The following GPC5 variants were observed in gnomAD, a reference collection of about 807,000 sequenced individuals.
GPC5 encodes glypican-5.
GPC5 carries 47 observed loss-of-function variants against 53.9 expected under a neutral mutation model. That is an observed-to-expected ratio of 0.87 (90% CI 0.69 to 1.11). The LOEUF (loss-of-function observed/expected upper bound fraction) is 1.11, where lower values mean the gene tolerates loss of function less well. Ranked by LOEUF, GPC5 falls within the 50% of genes most tolerant of loss-of-function variation. The pLI is 0.00. For missense variants in GPC5, 748 were observed against 713.1 expected (o/e 1.05, Z -0.56); for synonymous variants, 286 against 263.3 (o/e 1.09, Z -0.84).
At chr13:92,170,817 AT>A (rs2042065345) in intron 7 of GPC5, among the ~76,000 whole-genome samples, 1 of 152,152 alleles carries the variant, frequency 6.6e-6, no homozygotes. Context: ...TGTTTTTTAA[AT>A]TCAGAGTCAG....
At chr13:91,946,844 A>G (rs2039979133) in intron 6 of GPC5, among the ~76,000 whole-genome samples, 1 of 152,224 alleles carries the variant, frequency 6.6e-6, no homozygotes. Flanking sequence ...GCCATAGGAT[A>G]TAAGCCAGCT....
chr13:92,098,082 T>G (rs2041435622), intron 6 of GPC5, among the ~76,000 whole-genome samples: 1 of 152,138 alleles, frequency 6.6e-6, no homozygotes. Flanking sequence ...GTCACCAGGG[T>G]TTGTTGTACA....
At chr13:91,972,798 A>C (rs1312525320) in intron 6 of GPC5, among the ~76,000 whole-genome samples, 1 of 151,928 alleles carries the variant, frequency 6.6e-6, no homozygotes, top group Non-Finnish European at 1.5e-5. Context: ...ATTGGCCCCC[A>C]CTCTCTTCTG....
At chr13:92,182,285 C>T (rs2042152451) in intron 7 of GPC5, among the ~76,000 whole-genome samples, 1 of 152,124 alleles carries the variant, frequency 6.6e-6, no homozygotes, top group South Asian at 2.1e-4. Flanking sequence ...AAGCTAGCTG[C>T]CCACATCTGG....
At chr13:91,400,885 G>A (rs1204293945) in intron 1 of GPC5, among the ~76,000 whole-genome samples, 1 of 152,182 alleles carries the variant, frequency 6.6e-6, no homozygotes, top group Non-Finnish European at 1.5e-5. Flanking sequence ...TCTGTCCTAA[G>A]GAGAGGGAAA....
At chr13:92,068,456 G>A (rs2041184028) in intron 6 of GPC5, among the ~76,000 whole-genome samples, 1 of 151,586 alleles carries the variant, frequency 6.6e-6, no homozygotes, top group African/African-American at 2.4e-5. Context: ...AATGTCATTA[G>A]CAAATAATGA....
chr13:92,548,553 T>A (rs1187705523), intron 7 of GPC5, among the ~76,000 whole-genome samples: 29 of 152,002 alleles, frequency 1.9e-4, no homozygotes, highest in Admixed American at 1.9e-3. Context: ...ACAAGAGCTT[T>A]AAAAATTAAT....
At chr13:92,655,441 T>A (rs536447658) in intron 7 of GPC5, among the ~76,000 whole-genome samples, 1 of 152,246 alleles carries the variant, frequency 6.6e-6, no homozygotes, top group South Asian at 2.1e-4. Context: ...TTCAAGCGAT[T>A]CTCTTGCCTT....
chr13:92,557,598 TA>T (rs36116302), intron 7 of GPC5, among the ~76,000 whole-genome samples: 2 of 152,028 alleles, frequency 1.3e-5, no homozygotes, highest in South Asian at 4.1e-4. Context: ...TTTAAGTTGC[TA>T]AAAACTCTAT....
intron 7 of GPC5, among the ~76,000 whole-genome samples, chr13:92,577,804 A>G (rs986517983): frequency 2.6e-5 from 4 of 152,200 alleles, no homozygotes; most frequent in African/African-American, 9.6e-5. Context: ...CATAAGAAAC[A>G]GAGACTATGC....
intron 7 of GPC5, among the ~76,000 whole-genome samples, chr13:92,785,840 C>G (rs1012808131): frequency 6.6e-6 from 1 of 152,028 alleles, no homozygotes; most frequent in African/African-American, 2.4e-5. Flanking sequence ...TTTTTCCTTT[C>G]TAAGATGAAG....
intron 2 of GPC5, among the ~76,000 whole-genome samples, chr13:91,522,038 G>T (rs762412024): frequency 6.6e-6 from 1 of 152,250 alleles, no homozygotes; most frequent in Non-Finnish European, 1.5e-5. Context: ...GGAGGAAGGG[G>T]TATGTATGGC....
chr13:92,359,404 T>G (rs1033053923), intron 7 of GPC5, among the ~76,000 whole-genome samples: 2 of 151,632 alleles, frequency 1.3e-5, no homozygotes, highest in African/African-American at 2.4e-5. Context: ...TTCCAAACTT[T>G]CCTTGATCTT....
intron 5 of GPC5, among the ~76,000 whole-genome samples, chr13:91,806,554 C>A (rs1454768656): frequency 6.6e-6 from 1 of 151,848 alleles, no homozygotes; most frequent in African/African-American, 2.4e-5. Context: ...TTTTGAAAGA[C>A]TTTTCACATG....
intron 7 of GPC5, among the ~76,000 whole-genome samples, chr13:92,261,997 A>G (rs1285813020): frequency 2.6e-5 from 4 of 152,170 alleles, no homozygotes; most frequent in Admixed American, 2.6e-4. Flanking sequence ...AGGTTTTGCC[A>G]TATGTCCAGT....
intron 7 of GPC5, among the ~76,000 whole-genome samples, chr13:92,851,939 T>C (rs1171890639): frequency 6.7e-6 from 1 of 148,910 alleles, no homozygotes; most frequent in Non-Finnish European, 1.5e-5. Flanking sequence ...AGCCACTCTG[T>C]AAGAGAGCCC....
intron 4 of GPC5, among the ~76,000 whole-genome samples, chr13:91,743,887 A>G (rs141038393): frequency 3.7e-4 from 56 of 152,250 alleles, no homozygotes; most frequent in African/African-American, 1.3e-3. Flanking sequence ...GTTTAGGCTC[A>G]TATTTGTAGA....
At chr13:92,800,205 T>C (rs1403182789) in intron 7 of GPC5, among the ~76,000 whole-genome samples, 2 of 151,748 alleles carry the variant, frequency 1.3e-5, no homozygotes, top group Non-Finnish European at 2.9e-5. Flanking sequence ...GACTGTAAAA[T>C]AATAGTTTTC....
intron 6 of GPC5, among the ~76,000 whole-genome samples, chr13:92,034,614 G>A (rs909919382): frequency 1.3e-4 from 20 of 152,162 alleles, no homozygotes; most frequent in African/African-American, 4.8e-4. Context: ...TACAATGGGG[G>A]CCTCTGAATT....
Sources: gnomAD v4.1 joint callset for allele counts (sites outside exome capture counted in the v4.1 genomes callset) on GRCh38, gnomAD v4.1.1 for gene constraint, MANE v1.5 for transcripts, NCBI Gene and HGNC (gene_info 2026-07-23, HGNC 2026-07-21) for gene names.